ANO3: variants seen among roughly 807,000 people sequenced by gnomAD.
ANO3 encodes anoctamin 3.
Under a neutral mutation model 144.8 loss-of-function variants are expected in ANO3, and 99 were observed. The ratio of observed to expected loss-of-function variants is 0.68; its 90% CI spans 0.58 to 0.81. ANO3 has a LOEUF of 0.81. Ranked by LOEUF, ANO3 falls within the 30% of genes least tolerant of loss-of-function variation. The pLI, the probability that ANO3 is intolerant of heterozygous loss-of-function variation, is 0.00. For synonymous variants in ANO3, 414 were observed against 392.6 expected (o/e 1.05, Z -0.64); for missense variants, 905 against 1,202.2 (o/e 0.75, Z 3.66).
At chr11:26,572,484 T>TG in intron 14 of ANO3, among the ~76,000 whole-genome samples, 1 of 152,186 alleles carries the variant, frequency 6.6e-6, no homozygotes, top group South Asian at 2.1e-4. Flanking sequence ...CTGGGCCCCC[T>TG]GCTCCTTGCA....
intron 17 of ANO3, among the ~76,000 whole-genome samples, chr11:26,618,415 T>G (rs1852321256): frequency 6.6e-6 from 1 of 152,178 alleles, no homozygotes. Flanking sequence ...GTTCAACTAG[T>G]TGTCATTTTT....
At chr11:26,391,705 A>G (rs537413161) in intron 1 of ANO3, among the ~76,000 whole-genome samples, 1 of 152,118 alleles carries the variant, frequency 6.6e-6, no homozygotes, top group East Asian at 1.9e-4. Context: ...CGTTGTTTAG[A>G]ACTTTTTCTT....
At chr11:26,650,789 T>C (rs1853507089) in intron 24 of ANO3, among the ~76,000 whole-genome samples, 1 of 152,154 alleles carries the variant, frequency 6.6e-6, no homozygotes, top group African/African-American at 2.4e-5. Context: ...AGCGTAATGG[T>C]CGTCTCAAAG....
chr11:26,398,022 A>G (rs1032563036), intron 1 of ANO3, among the ~76,000 whole-genome samples: 3 of 151,598 alleles, frequency 2.0e-5, no homozygotes, highest in Non-Finnish European at 4.4e-5. Context: ...AAAAAAAAAA[A>G]TCCTTGGAAA....
intron 17 of ANO3, among the ~76,000 whole-genome samples, chr11:26,605,735 A>T (rs1213136555): frequency 1.3e-5 from 2 of 151,946 alleles, no homozygotes; most frequent in Non-Finnish European, 2.9e-5. Context: ...AGAGGTGTTT[A>T]TAGTCTTCTC....
intron 1 of ANO3, among the ~76,000 whole-genome samples, chr11:26,440,417 C>A (rs1277399410): frequency 6.6e-6 from 1 of 151,740 alleles, no homozygotes; most frequent in Non-Finnish European, 1.5e-5. Context: ...AAAAAATAAG[C>A]AAAAGAGTAG....
intron 1 of ANO3, among the ~76,000 whole-genome samples, chr11:26,338,115 TA>T (rs5790570): frequency 0.91 from 132,247 of 145,198 alleles, 60,567 homozygotes; most frequent in East Asian, 0.99. Context: ...GAATGATAAT[TA>T]AAAAAAAAAA....
chr11:26,421,777 G>A (rs1196317575), intron 1 of ANO3, among the ~76,000 whole-genome samples: 1 of 152,042 alleles, frequency 6.6e-6, no homozygotes, highest in Non-Finnish European at 1.5e-5. Flanking sequence ...AAAAAAGAAT[G>A]AAATCATGTA....
chr11:26,605,461 C>T (rs1346393370), intron 17 of ANO3, among the ~76,000 whole-genome samples: 1 of 152,098 alleles, frequency 6.6e-6, no homozygotes, highest in African/African-American at 2.4e-5. Flanking sequence ...AGAGAGGAGT[C>T]CCTCTTTTTC....
intron 1 of ANO3, among the ~76,000 whole-genome samples, chr11:26,235,602 T>G (rs1852503595): frequency 6.6e-6 from 1 of 151,938 alleles, no homozygotes; most frequent in Admixed American, 6.6e-5. Context: ...TACTTTTTTT[T>G]TTTTTTTTTG....
chr11:26,508,977 G>C (rs1187185300), intron 5 of ANO3, among the ~76,000 whole-genome samples: 1 of 151,512 alleles, frequency 6.6e-6, no homozygotes, highest in African/African-American at 2.4e-5. Context: ...TTAACAACTT[G>C]ATTTTATCTT....
At chr11:26,637,717 C>T (rs1167229094) in intron 20 of ANO3, among the ~76,000 whole-genome samples, 1 of 152,186 alleles carries the variant, frequency 6.6e-6, no homozygotes, top group Non-Finnish European at 1.5e-5. Context: ...AATCCTCTCT[C>T]AGGCTCAGAT....
intron 10 of ANO3, among the ~76,000 whole-genome samples, chr11:26,541,306 G>C (rs570507453): frequency 1.1e-4 from 17 of 152,078 alleles, no homozygotes; most frequent in Non-Finnish European, 2.1e-4. Flanking sequence ...CGGGTGGGGA[G>C]GTAGGGGAGG....
intron 1 of ANO3, among the ~76,000 whole-genome samples, chr11:26,257,193 C>T (rs980856609): frequency 1.1e-4 from 16 of 151,958 alleles, no homozygotes; most frequent in African/African-American, 3.9e-4. Context: ...CATATATGTA[C>T]ATAAATATAC....
intron 1 of ANO3, among the ~76,000 whole-genome samples, chr11:26,365,935 T>G (rs1856057794): frequency 6.7e-6 from 1 of 149,634 alleles, no homozygotes; most frequent in African/African-American, 2.5e-5. Context: ...TGAATTCCTC[T>G]CCCCAAACCA....
intron 1 of ANO3, among the ~76,000 whole-genome samples, chr11:26,191,618 GT>G (rs1386834607): frequency 6.6e-6 from 1 of 151,990 alleles, no homozygotes; most frequent in Non-Finnish European, 1.5e-5. Flanking sequence ...TTTAAGCTCT[GT>G]TTTTTTCCAA....
chr11:26,372,564 A>G (rs1277367056), intron 1 of ANO3, among the ~76,000 whole-genome samples: 1 of 152,250 alleles, frequency 6.6e-6, no homozygotes. Flanking sequence ...TAATTAAGTA[A>G]CAGTGCTTTT....
intron 17 of ANO3, among the ~76,000 whole-genome samples, chr11:26,604,025 G>A (rs1180546417): frequency 6.6e-6 from 1 of 152,002 alleles, no homozygotes; most frequent in Non-Finnish European, 1.5e-5. Flanking sequence ...TCACCCTACT[G>A]TGCAGTAGAA....
intron 24 of ANO3, among the ~76,000 whole-genome samples, chr11:26,649,003 TA>T (rs1172835117): frequency 1.3e-5 from 2 of 152,234 alleles, no homozygotes; most frequent in African/African-American, 4.8e-5. Context: ...ATATTTCCTT[TA>T]TGTATTGCAT....
Sources: gnomAD v4.1 joint callset for allele counts (sites outside exome capture counted in the v4.1 genomes callset) on GRCh38, gnomAD v4.1.1 for gene constraint, MANE v1.5 for transcripts, NCBI Gene and HGNC (gene_info 2026-07-23, HGNC 2026-07-21) for gene names.